BICC1: variants seen among roughly 807,000 people sequenced by gnomAD.
BICC1 encodes the protein protein bicaudal C homolog 1.
BICC1 carries 43 observed loss-of-function variants against 111.0 expected under a neutral mutation model. The ratio of observed to expected loss-of-function variants is 0.39; its 90% confidence interval spans 0.30 to 0.50. The LOEUF is 0.50. Ranked by LOEUF, BICC1 falls within the 20% of genes least tolerant of loss-of-function variation. The pLI, the probability that BICC1 is intolerant of heterozygous loss-of-function variation, is 0.88. For synonymous variants in BICC1, 467 were observed against 434.4 expected, an observed-to-expected ratio of 1.07 and a Z score of -0.93; for missense variants, 1,091 against 1,203.2, an observed-to-expected ratio of 0.91 and a Z score of 1.38.
intron 1 of BICC1, among the ~76,000 whole-genome samples, chr10:58,546,892 A>G (rs1843152083): frequency 6.6e-6 from 1 of 152,202 alleles, no homozygotes; most frequent in East Asian, 1.9e-4. Context: ...CCTTTTAAAT[A>G]TTTAAGGGAT....
intron 1 of BICC1, among the ~76,000 whole-genome samples, chr10:58,587,561 T>G (rs1844471095): frequency 6.6e-6 from 1 of 152,196 alleles, no homozygotes; most frequent in Non-Finnish European, 1.5e-5. Context: ...TGCTAGTTTA[T>G]GGTTTTGCTT....
At position 58,513,275 on chromosome 10, in the gene BICC1, G is replaced by T. The variant is rs1791953422; in HGVS notation, c.132G>T (p.Pro44=). The change falls in exon 1 of 21, where the codon CCG becomes CCT. Residue 44 remains proline, a synonymous_variant. Transcript: ENST00000373886. ...TCGCCGGGGCGACCCTGCACAGCCC[G>T]GAGTGGAGCGAGGAGCGCTTCCGCG... ...DLVAGATLHS[P]EWSEERFRVD... 1.9e-6 allele frequency: 3 copies of T among 1,612,682 alleles called. No homozygotes were observed. The highest frequency in any genetic ancestry group is 2.5e-6 in the Non-Finnish European group (3 of 1,179,388).
At chr10:58,793,846 C>G (rs1422905536) in intron 9 of BICC1, among the ~76,000 whole-genome samples, 1 of 152,066 alleles carries the variant, frequency 6.6e-6, no homozygotes, top group Admixed American at 6.5e-5. Flanking sequence ...TAGGGATGCC[C>G]AACCAGTGCA....
chr10:58,592,074 T>G (rs1465607271), intron 1 of BICC1, among the ~76,000 whole-genome samples: 1 of 152,258 alleles, frequency 6.6e-6, no homozygotes, highest in Non-Finnish European at 1.5e-5. Context: ...TGTTTTTAAC[T>G]TATCCTTGCT....
chr10:58,696,818 C>T (rs1840077365), intron 2 of BICC1, among the ~76,000 whole-genome samples: 1 of 152,158 alleles, frequency 6.6e-6, no homozygotes, highest in South Asian at 2.1e-4. Context: ...AATGATTCAA[C>T]ATCAGATGTT....
intron 2 of BICC1, among the ~76,000 whole-genome samples, chr10:58,701,291 C>G (rs4418750): frequency 0.26 from 39,585 of 152,074 alleles, 6,335 homozygotes; most frequent in African/African-American, 0.45. Flanking sequence ...GTTTGTCTTA[C>G]ATGAGCAAAC....
intron 3 of BICC1, among the ~76,000 whole-genome samples, chr10:58,722,909 G>A (rs187900666): frequency 1.1e-4 from 16 of 152,310 alleles, no homozygotes; most frequent in Non-Finnish European, 1.6e-4. Flanking sequence ...AACCTGGAGC[G>A]ACCCCTTGCA....
intron 17 of BICC1, among the ~76,000 whole-genome samples, chr10:58,813,077 T>G (rs1047508481): frequency 1.3e-5 from 2 of 152,128 alleles, no homozygotes; most frequent in Non-Finnish European, 2.9e-5. Flanking sequence ...CAAGATTGAA[T>G]TAAGTAAGTT....
chr10:58,742,121 G>C (rs1841686466), intron 3 of BICC1, among the ~76,000 whole-genome samples: 1 of 151,324 alleles, frequency 6.6e-6, no homozygotes, highest in Non-Finnish European at 1.5e-5. Context: ...TCATTTATAA[G>C]TTGATGTCTG....
At chr10:58,640,060 C>G (rs2132209782) in intron 2 of BICC1, among the ~76,000 whole-genome samples, 1 of 152,188 alleles carries the variant, frequency 6.6e-6, no homozygotes, top group African/African-American at 2.4e-5. Flanking sequence ...AAATTTTGGA[C>G]AGAAATGGTA....
At chr10:58,602,258 G>A (rs2132076424) in intron 1 of BICC1, among the ~76,000 whole-genome samples, 2 of 152,236 alleles carry the variant, frequency 1.3e-5, no homozygotes, top group African/African-American at 4.8e-5. Flanking sequence ...CTTAACCAAA[G>A]TTACAATTCT....
At chr10:58,523,467 A>G (rs1418639434) in intron 1 of BICC1, among the ~76,000 whole-genome samples, 2 of 152,180 alleles carry the variant, frequency 1.3e-5, no homozygotes, top group East Asian at 3.9e-4. Flanking sequence ...TGATTATCTC[A>G]ATAGATGCAG....
At chr10:58,705,294 G>A (rs1409575467) in intron 3 of BICC1, among the ~76,000 whole-genome samples, 2 of 152,216 alleles carry the variant, frequency 1.3e-5, no homozygotes, top group African/African-American at 4.8e-5. Flanking sequence ...AAGGCAAAGG[G>A]TGACCACTAC....
At chr10:58,723,031 T>C in intron 3 of BICC1, among the ~76,000 whole-genome samples, 1 of 152,338 alleles carries the variant, frequency 6.6e-6, no homozygotes, top group East Asian at 1.9e-4. Flanking sequence ...TTGAAATAAC[T>C]GATTTCAATT....
chr10:58,564,409 T>C (rs1843695379), intron 1 of BICC1, among the ~76,000 whole-genome samples: 1 of 152,212 alleles, frequency 6.6e-6, no homozygotes, highest in South Asian at 2.1e-4. Flanking sequence ...ATATCAGCAG[T>C]ATATCTGGCA....
intron 2 of BICC1, among the ~76,000 whole-genome samples, chr10:58,647,894 A>G (rs1055292667): frequency 1.3e-5 from 2 of 152,202 alleles, no homozygotes. Context: ...AATTACAGAG[A>G]AAGTTGATAA....
intron 2 of BICC1, among the ~76,000 whole-genome samples, chr10:58,681,867 C>CTT (rs35236976): frequency 8.0e-5 from 12 of 149,638 alleles, no homozygotes; most frequent in East Asian, 2.0e-4. Flanking sequence ...CTCTCTCTTT[C>CTT]TTTTTTTTTT....
At chr10:58,575,911 A>C (rs557410772) in intron 1 of BICC1, among the ~76,000 whole-genome samples, 5 of 152,220 alleles carry the variant, frequency 3.3e-5, no homozygotes, top group Non-Finnish European at 7.3e-5. Context: ...TTTTTCAGAC[A>C]TTTTCATATC....
At chr10:58,802,562 CTTAT>C (rs1268385486) in intron 14 of BICC1, among the ~76,000 whole-genome samples, 3 of 152,112 alleles carry the variant, frequency 2.0e-5, no homozygotes, top group Non-Finnish European at 4.4e-5. Context: ...AAGAATATTT[CTTAT>C]TTATCTGCTA....
Sources: allele counts gnomAD v4.1 joint callset (sites outside exome capture counted in the v4.1 genomes callset), GRCh38; gene constraint gnomAD v4.1.1; transcripts MANE v1.5; gene names NCBI Gene and HGNC (gene_info 2026-07-23, HGNC 2026-07-21).